The following CYBRD1 variants were observed in gnomAD, a reference collection of about 807,000 sequenced individuals.
The protein encoded by CYBRD1 is plasma membrane ascorbate-dependent reductase CYBRD1.
CYBRD1 carries 14 observed loss-of-function variants against 21.9 expected under a neutral mutation model. That is an observed-to-expected ratio of 0.64 (90% CI 0.42 to 1.00). The LOEUF (loss-of-function observed/expected upper bound fraction) is 1.00. Ranked by LOEUF, CYBRD1 falls within the 50% of genes least tolerant of loss-of-function variation. CYBRD1 has a pLI of 0.00. For synonymous variants in CYBRD1, 146 were observed against 136.5 expected, an observed-to-expected ratio of 1.07 and a Z score of -0.48; for missense variants, 328 against 352.5, an observed-to-expected ratio of 0.93 and a Z score of 0.56.
At chr2:171,545,633 CCCG>C (rs1697701445) in intron 2 of CYBRD1, among the ~76,000 whole-genome samples, 1 of 151,364 alleles carries the variant, frequency 6.6e-6, no homozygotes, top group South Asian at 2.1e-4. Context: ...AAATGATCCA[CCCG>C]CCTCGGCCTC....
chr2:171,547,393 C>T (rs1423166488), intron 2 of CYBRD1, among the ~76,000 whole-genome samples: 1 of 149,578 alleles, frequency 6.7e-6, no homozygotes, highest in East Asian at 2.0e-4. Flanking sequence ...GAGAGGGTGA[C>T]AATTGGACAG....
chr2:171,550,341 A>G (rs1347152797), intron 2 of CYBRD1, among the ~76,000 whole-genome samples: 3 of 152,072 alleles, frequency 2.0e-5, no homozygotes, highest in Non-Finnish European at 4.4e-5. Context: ...CCTGATCTCA[A>G]GTGATCCTCC....
At chr2:171,540,345 G>C (rs191753061) in intron 1 of CYBRD1, among the ~76,000 whole-genome samples, 1 of 152,268 alleles carries the variant, frequency 6.6e-6, no homozygotes. Flanking sequence ...TCTAGTTGTA[G>C]ATCGTTTCTT....
chr2:171,522,277 T>A (rs1208585604), upstream of CYBRD1: 5 of 1,548,748 alleles, frequency 3.2e-6, no homozygotes, highest in Admixed American at 9.9e-5. This position sits in a 1 kb window ranked among gnomAD's most constrained non-coding sequence, Gnocchi z 4.3. Context: ...GCTTGGATGC[T>A]GGACGAGGGA....
At chr2:171,554,413 G>A in intron 3 of CYBRD1, 111 bp from the exon 4 acceptor site, 3 of 1,009,384 alleles carry the variant, frequency 3.0e-6, no homozygotes, top group Non-Finnish European at 4.4e-6. Context: ...CAAGCTTTGA[G>A]AGTTTACATT....
At chr2:171,542,687 T>A (rs1262875422) in intron 2 of CYBRD1, among the ~76,000 whole-genome samples, 1 of 152,180 alleles carries the variant, frequency 6.6e-6, no homozygotes, top group African/African-American at 2.4e-5. Context: ...GAGATCAGCT[T>A]GGGCAACATG....
chr2:171,556,855 T>C lies in CYBRD1; in HGVS notation c.*2028T>C. ...GTCACACATCATTTGATAAGTTGGA[T>C]GTTCCATTACATAGAGGAACACAAA... is the stretch of plus-strand genomic sequence containing the variant. On this transcript the variant is annotated 3_prime_UTR_variant, in exon 4 of 4. Transcript: ENST00000321348. 6.6e-6 allele frequency: 1 copy of C among 152,260 alleles called. No homozygotes were observed. Among genetic ancestry groups the C allele is most frequent in the Admixed American group, 6.5e-5 (1 of 15,272 alleles). 9.4% of individuals were successfully genotyped at this position (152,260 alleles called of 1,614,324 possible).
At chr2:171,532,830 G>T (rs1056514945) in intron 1 of CYBRD1, among the ~76,000 whole-genome samples, 1 of 151,626 alleles carries the variant, frequency 6.6e-6, no homozygotes, top group Admixed American at 6.6e-5. Context: ...AAATAAGTAT[G>T]TGAGGTGATG....
intron 3 of CYBRD1, among the ~76,000 whole-genome samples, chr2:171,554,277 C>G (rs1054856469): frequency 6.6e-5 from 10 of 152,152 alleles, no homozygotes; most frequent in African/African-American, 2.4e-4. Flanking sequence ...TGCCTGCCTC[C>G]AGACCCTACC....
chr2:171,545,568 T>TA (rs1697700012), intron 2 of CYBRD1, among the ~76,000 whole-genome samples: 1 of 143,014 alleles, frequency 7.0e-6, no homozygotes, highest in Non-Finnish European at 1.5e-5. Flanking sequence ...TTTTTTTTTT[T>TA]AGTAGAGACG....
At chr2:171,541,298 T>A (rs922634822) in intron 1 of CYBRD1, among the ~76,000 whole-genome samples, 4 of 151,876 alleles carry the variant, frequency 2.6e-5, no homozygotes, top group Non-Finnish European at 4.4e-5. Flanking sequence ...GTGAATGAGA[T>A]CACCCACAAG....
chr2:171,542,990 T>C (rs1697658201), intron 2 of CYBRD1, among the ~76,000 whole-genome samples: 1 of 152,092 alleles, frequency 6.6e-6, no homozygotes, highest in African/African-American at 2.4e-5. Flanking sequence ...TTAAAATACA[T>C]AAGCTATTTA....
chr2:171,555,718 ATTCAGT>A lies in CYBRD1; in HGVS notation c.*892_*897del, dbSNP rs1420544246. The A allele has an allele frequency of 6.6e-6, 1 of 152,186 alleles. No homozygotes were observed. The highest frequency in any genetic ancestry group is 2.4e-5 in the African/African-American group (1 of 41,450). The allele number at this position is 152,186 out of a possible 1,614,324, so 9.4% of individuals were successfully genotyped here. ...CTAAGCACTTTACACATATTAGCTC[ATTCAGT>A]CCCCAGACAGACGGGATGAAGTAGG... On this transcript the variant is annotated 3_prime_UTR_variant, in exon 4 of 4. Transcript: ENST00000321348.
intron 2 of CYBRD1, among the ~76,000 whole-genome samples, chr2:171,548,723 G>T (rs1697756570): frequency 7.2e-6 from 1 of 139,446 alleles, no homozygotes; most frequent in East Asian, 2.2e-4. Context: ...TCTCATTAAT[G>T]TCTTTTGCAA....
chr2:171,545,138 CAAAA>C (rs761208882), intron 2 of CYBRD1, among the ~76,000 whole-genome samples: 4 of 68,808 alleles, frequency 5.8e-5, no homozygotes, highest in Admixed American at 3.3e-4. Context: ...GACCCTGTCT[CAAAA>C]AAAAAAAAAA....
chr2:171,553,318 G>A (rs779671593), intron 2 of CYBRD1, 28 bp from the exon 3 acceptor site: 1 of 1,611,548 alleles, frequency 6.2e-7, no homozygotes, highest in African/African-American at 1.3e-5. Context: ...AAAATTAAAT[G>A]ATAACCTTTG....
chr2:171,534,733 T>C (rs759423630), intron 1 of CYBRD1, among the ~76,000 whole-genome samples: 8 of 152,322 alleles, frequency 5.3e-5, no homozygotes, highest in Middle Eastern at 3.4e-3. Context: ...GTAAGACTAA[T>C]TGGCTAGTGG....
intron 2 of CYBRD1, 145 bp downstream of exon 2, chr2:171,541,938 C>G (rs144570265): frequency 1.5e-6 from 1 of 667,108 alleles, no homozygotes; most frequent in Non-Finnish European, 2.5e-6. Context: ...GATCTTGGCT[C>G]ACTGCAACCA....
At chr2:171,533,349 A>G (rs1321024808) in intron 1 of CYBRD1, among the ~76,000 whole-genome samples, 1 of 152,192 alleles carries the variant, frequency 6.6e-6, no homozygotes, top group Non-Finnish European at 1.5e-5. Context: ...CCTGGGTGCA[A>G]AGAGAGAGAC....
Sources: allele counts gnomAD v4.1 joint callset (sites outside exome capture counted in the v4.1 genomes callset), GRCh38; gene constraint gnomAD v4.1.1; non-coding constraint Gnocchi (gnomAD v3.1); transcripts MANE v1.5; gene names NCBI Gene and HGNC (gene_info 2026-07-23, HGNC 2026-07-21).